The following EBF2 variants were observed in gnomAD, a reference collection of about 807,000 sequenced individuals.
EBF2 encodes the protein transcription factor COE2.
A neutral mutation model predicts 72.8 loss-of-function variants in EBF2; 21 were observed. That is an observed-to-expected ratio of 0.29 (90% CI 0.20 to 0.42). The LOEUF is 0.42. Ranked by LOEUF, EBF2 falls within the 10% of genes least tolerant of loss-of-function variation. EBF2 has a pLI of 1.00. For synonymous variants in EBF2, 299 were observed against 274.2 expected (o/e 1.09, Z -0.89); for missense variants, 637 against 731.2 (o/e 0.87, Z 1.49).
chr8:25,881,935 C>T (rs761191093), intron 10 of EBF2, among the ~76,000 whole-genome samples: 2 of 152,206 alleles, frequency 1.3e-5, no homozygotes, highest in Non-Finnish European at 2.9e-5. Flanking sequence ...AACCATCTCC[C>T]TTCTGGCTCC....
intron 2 of EBF2, chr8:26,041,312 A>C: frequency 2.3e-6 from 1 of 427,654 alleles, no homozygotes; most frequent in Non-Finnish European, 4.3e-6. Context: ...AACAGGCACC[A>C]CCCAACCCAT....
chr8:26,044,625 G>T lies in EBF2; in HGVS notation c.131+104C>A. 1 of 1,492,218 alleles carries T rather than the reference G, an allele frequency of 6.7e-7. No homozygotes were observed. The highest frequency in any genetic ancestry group is 9.1e-7 in the Non-Finnish European group (1 of 1,103,714). 92.4% of individuals were successfully genotyped at this position (1,492,218 alleles called of 1,614,324 possible). On this transcript the variant is annotated intron_variant, in intron 1 of 15. Transcript: ENST00000520164. The surrounding 1 kb of genome is among the most constrained non-coding windows in gnomAD (Gnocchi z 4.1). ...CGCAGGGCCTGGGCGACAGATGGGG[G>T]GACAGGGAGAGAGAAAGGCACGGGG...
intron 6 of EBF2, chr8:26,032,114 A>T (rs1253760041): frequency 6.6e-6 from 1 of 152,190 alleles, no homozygotes; most frequent in Non-Finnish European, 1.5e-5. Flanking sequence ...CCATCATTAT[A>T]TTATTGAAGA....
At chr8:25,922,471 A>C (rs887903266) in intron 6 of EBF2, among the ~76,000 whole-genome samples, 2 of 152,242 alleles carry the variant, frequency 1.3e-5, no homozygotes, top group African/African-American at 2.4e-5. Flanking sequence ...TGAGTCAAAT[A>C]AGAAAAGCTT....
At chr8:26,010,070 T>C (rs1169166026) in intron 6 of EBF2, among the ~76,000 whole-genome samples, 2 of 151,926 alleles carry the variant, frequency 1.3e-5, no homozygotes, top group Non-Finnish European at 2.9e-5. Flanking sequence ...AGGCCACACA[T>C]CAGAACGGAA....
intron 7 of EBF2, among the ~76,000 whole-genome samples, chr8:25,891,767 A>C (rs1031266629): frequency 6.6e-5 from 10 of 152,120 alleles, no homozygotes; most frequent in Non-Finnish European, 1.3e-4. Flanking sequence ...CAGTAGAGAC[A>C]GGGTTTCACC....
chr8:25,974,277 G>A lies in EBF2; in HGVS notation c.551+58808C>T, dbSNP rs570841063. Among the ~76,000 whole-genome samples, 59 of 152,348 alleles carry A rather than the reference G, an allele frequency of 3.9e-4. No homozygotes were observed. In the Middle Eastern group the frequency reaches 0.01, roughly 26 times the overall value. ...GACTCCTCACCTGGTGCTCTTGCCA[G>A]CATCTCCCACTGACTTCCTGTCATC... is the stretch of plus-strand genomic sequence containing the variant. On this transcript the variant is annotated intron_variant, in intron 6 of 15. Coordinates refer to ENST00000520164, the MANE Select transcript of EBF2 (RefSeq NM_022659.4).
intron 14 of EBF2, among the ~76,000 whole-genome samples, chr8:25,857,406 C>A (rs1195585243): frequency 2.0e-5 from 3 of 152,068 alleles, no homozygotes; most frequent in Non-Finnish European, 2.9e-5. Context: ...TGCATGCTGC[C>A]CTTGACATGT....
chr8:26,019,282 G>T (rs1805166589), intron 6 of EBF2, among the ~76,000 whole-genome samples: 1 of 149,306 alleles, frequency 6.7e-6, no homozygotes. Flanking sequence ...GGTTCCCACT[G>T]GGCCTGTAAA....
At chr8:25,909,182 G>A (rs376371095) in intron 6 of EBF2, among the ~76,000 whole-genome samples, 1 of 152,088 alleles carries the variant, frequency 6.6e-6, no homozygotes, top group South Asian at 2.1e-4. Context: ...ACAGAATCAT[G>A]GTCTGAGGTT....
chr8:25,912,318 C>A (rs1803142398), intron 6 of EBF2, among the ~76,000 whole-genome samples: 2 of 152,092 alleles, frequency 1.3e-5, no homozygotes. Context: ...TTTCCTGCAC[C>A]AATGACACTG....
intron 5 of EBF2, among the ~76,000 whole-genome samples, chr8:26,033,659 T>C (rs745589663): frequency 6.6e-6 from 1 of 152,078 alleles, no homozygotes; most frequent in African/African-American, 2.4e-5. Flanking sequence ...AATACCTAGA[T>C]GATGGGTTGA....
At chr8:25,974,980 T>C (rs1804246016) in intron 6 of EBF2, among the ~76,000 whole-genome samples, 1 of 152,136 alleles carries the variant, frequency 6.6e-6, no homozygotes. Context: ...ATTTCTCAAA[T>C]AAGCATTACC....
rs180767337 is a variant in EBF2, at chr8:26,032,619, A to G, written c.551+466T>C. 646 of 156,400 alleles carry G rather than the reference A, an allele frequency of 4.1e-3. 2 individuals carry two copies. Among genetic ancestry groups the G allele is most frequent in the African/African-American group, 0.014 (603 of 41,592 alleles). 9.7% of individuals were successfully genotyped at this position (156,400 alleles called of 1,614,324 possible). A position where few individuals can be genotyped will look rare whatever the true frequency, so the allele number is the denominator to read the frequency against. ...CATAGAACACAGAATGCAATCCTCC[A>G]TGGTAGAAAGGAATCTCCCTGAACA... On this transcript the variant is annotated intron_variant, in intron 6 of 15. Transcript: ENST00000520164.
chr8:26,032,860 C>T (rs1212976402), intron 6 of EBF2: 4 of 550,012 alleles, frequency 7.3e-6, no homozygotes, highest in African/African-American at 3.8e-5. Flanking sequence ...GAAGCTGGTG[C>T]ACCTGGAAAA....
At position 25,988,171 on chromosome 8, in the gene EBF2, C is replaced by T. The variant is rs182032703; in HGVS notation, c.551+44914G>A. On this transcript the variant is annotated intron_variant, in intron 6 of 15. Transcript: ENST00000520164. ...AGAAATAAAGAGGGTAGAGCACATACTCCCACCCTGGGGCTCTTCACACAG... is the reference window on the plus strand; with the variant it reads ...AGAAATAAAGAGGGTAGAGCACATATTCCCACCCTGGGGCTCTTCACACAG... Among the ~76,000 whole-genome samples, 394 of 152,242 alleles carry T rather than the reference C, an allele frequency of 2.6e-3. 3 individuals are homozygous for T. Among genetic ancestry groups the T allele is most frequent in the African/African-American group, 8.7e-3 (363 of 41,538 alleles).
chr8:25,893,576 C>A (rs139432788), intron 7 of EBF2, among the ~76,000 whole-genome samples: 41 of 152,266 alleles, frequency 2.7e-4, no homozygotes, highest in African/African-American at 9.4e-4. Flanking sequence ...CCGCACCCAG[C>A]CATGGGCATT....
chr8:25,957,232 T>C (rs1803964612), intron 6 of EBF2, among the ~76,000 whole-genome samples: 1 of 152,198 alleles, frequency 6.6e-6, no homozygotes, highest in Non-Finnish European at 1.5e-5. Flanking sequence ...CCACAGATAA[T>C]GAAGATCATG....
chr8:25,918,629 G>A (rs1803263199), intron 6 of EBF2, among the ~76,000 whole-genome samples: 1 of 151,974 alleles, frequency 6.6e-6, no homozygotes, highest in Non-Finnish European at 1.5e-5. Context: ...CTAAGTAAGT[G>A]TTAAAAAAAA....
Sources: gnomAD v4.1 joint callset for allele counts (sites outside exome capture counted in the v4.1 genomes callset) on GRCh38, gnomAD v4.1.1 for gene constraint, Gnocchi (gnomAD v3.1) non-coding constraint, MANE v1.5 for transcripts, NCBI Gene and HGNC (gene_info 2026-07-23, HGNC 2026-07-21) for gene names.